USP48: variants seen among roughly 807,000 people sequenced by gnomAD.
USP48 encodes ubiquitin specific peptidase 48, also known as ubiquitin carboxyl-terminal hydrolase 48.
A neutral mutation model predicts 150.7 loss-of-function variants in USP48; 43 were observed. The ratio of observed to expected loss-of-function variants is 0.29; its 90% confidence interval spans 0.22 to 0.37. The LOEUF (loss-of-function observed/expected upper bound fraction) is 0.37, where lower values mean the gene tolerates loss of function less well. Among genes scored for constraint, USP48 ranks in the 10% least tolerant of loss-of-function variants. The probability of loss-of-function intolerance (pLI) is 1.00; values close to 1 mark genes in which losing one functional copy is unlikely to be tolerated. For missense variants in USP48, 813 were observed against 1,249.6 expected, an observed-to-expected ratio of 0.65 and a Z score of 5.27; for synonymous variants, 396 against 425.9, an observed-to-expected ratio of 0.93 and a Z score of 0.86.
chr1:21,782,759 T>G (rs1344505902), intron 1 of USP48, 65 bp downstream of exon 1: 4 of 1,473,068 alleles, frequency 2.7e-6, no homozygotes, highest in Non-Finnish European at 3.6e-6. Context: ...TCCTTTCCCC[T>G]ACCCCGCCCG....
intron 2 of USP48, 33 bp from the exon 3 acceptor site, chr1:21,756,735 C>T: frequency 6.2e-6 from 10 of 1,606,234 alleles, no homozygotes; most frequent in Non-Finnish European, 8.5e-6. Context: ...ATTATAAAAC[C>T]CATTTTCCTT....
chr1:21,703,808 T>C (rs1399839477), intron 20 of USP48, among the ~76,000 whole-genome samples, 190 bp from the exon 21 acceptor site: 1 of 152,254 alleles, frequency 6.6e-6, no homozygotes, highest in East Asian at 1.9e-4. Context: ...CATAGCTCAC[T>C]GTAGCCTCAA....
intron 1 of USP48, chr1:21,768,217 A>G (rs2097867824): frequency 6.5e-6 from 1 of 152,752 alleles, no homozygotes; most frequent in South Asian, 2.1e-4. Context: ...AAAAAAAAAA[A>G]AAGAGTTTGC....
rs146466032 is a variant in USP48, at chr1:21,701,535, G to A, written c.2690C>T (p.Ala897Val). Residue 897 changes from alanine (A) to valine (V), a missense_variant, in exon 22 of 27, where the codon GCT becomes GTT. Physicochemically the swap from Ala to Val is moderately conservative, Grantham distance 64. Coordinates refer to ENST00000308271, the MANE Select transcript of USP48 (RefSeq NM_032236.8). ...TGGATCTTTTTCTCCATCTGGTTTA[G>A]CTTCTTCCTTGTCCTCCTCTGTTTC... ...SSETEEDKEE[A>V]KPDGEKDPDF... 3.2e-5 allele frequency: 51 copies of A among 1,613,856 alleles called. No homozygotes were observed. Among genetic ancestry groups the A allele is most frequent in the Non-Finnish European group, 4.1e-5 (48 of 1,179,946 alleles).
In USP48 at chr1:21,681,167, C is replaced by G. The variant is rs545750967; in HGVS notation, c.3059-333G>C. 8 of 194,360 alleles carry G rather than the reference C, an allele frequency of 4.1e-5. No individual in the cohort carries two copies. In the South Asian group the frequency reaches 1.2e-3, roughly 30 times the overall value. The allele number at this position is 194,360 out of a possible 1,614,324, so 12.0% of individuals were successfully genotyped here. ...GAGCTGTCTCTCTCCCCTTCCTCCT[C>G]CCATTCCCAAGTTCTGGAAGGAGTC... is the stretch of plus-strand genomic sequence containing the variant. On this transcript the variant is annotated intron_variant, in intron 25 of 26. Transcript: ENST00000308271.
At chr1:21,727,883 A>C (rs2097743687) in intron 11 of USP48, 1 of 977,512 alleles carries the variant, frequency 1.0e-6, no homozygotes, top group East Asian at 1.1e-4. Flanking sequence ...TAAAGTAAGG[A>C]CTAAATTGTC....
intron 1 of USP48, among the ~76,000 whole-genome samples, chr1:21,776,879 G>A (rs535656643): frequency 5.2e-4 from 79 of 152,048 alleles, no homozygotes; most frequent in Non-Finnish European, 1.0e-3. Context: ...CCTGGGAGGC[G>A]GAGGCTGCAG....
intron 22 of USP48, among the ~76,000 whole-genome samples, 157 bp from the exon 23 acceptor site, chr1:21,695,378 T>C (rs1242406846): frequency 6.6e-6 from 1 of 152,212 alleles, no homozygotes; most frequent in Non-Finnish European, 1.5e-5. Flanking sequence ...CGAGACTTTC[T>C]TAGCAGGCTC....
rs573752260 is a variant in USP48, at chr1:21,691,222, G to C, written c.2884-1123C>G. On this transcript the variant is annotated intron_variant, in intron 23 of 26. Transcript: ENST00000308271. ...TCAGCTACTCGGGAGGCTGAGGCCA[G>C]AGAATTGCTTGAACCCAGGAGATGG... Among the ~76,000 whole-genome samples the C allele has an allele frequency of 7.5e-4, 111 of 148,930 alleles. 1 individual carries two copies. Among genetic ancestry groups the C allele is most frequent in the Non-Finnish European group, 9.3e-4 (63 of 67,728 alleles).
intron 25 of USP48, among the ~76,000 whole-genome samples, chr1:21,683,777 A>G (rs2097573273): frequency 6.6e-6 from 1 of 152,156 alleles, no homozygotes; most frequent in Non-Finnish European, 1.5e-5. Context: ...GTACCCATTA[A>G]CCAACCTCCC....
At chr1:21,728,078 A>T in intron 11 of USP48, 1 of 985,670 alleles carries the variant, frequency 1.0e-6, no homozygotes. Flanking sequence ...TATTTCTAAG[A>T]AATCAGGGGT....
intron 14 of USP48, among the ~76,000 whole-genome samples, chr1:21,719,547 G>C (rs4654766): frequency 0.057 from 8,634 of 152,192 alleles, 485 homozygotes; most frequent in East Asian, 0.26. Context: ...CACAGGAGTT[G>C]GGAGACTAGC....
rs764276224 is a variant in USP48 at position 21,703,657 on chromosome 1, G to A, written c.2516-39C>T. 9.2e-6 allele frequency: 13 copies of A among 1,415,382 alleles called. No homozygotes were observed. The Admixed American group carries it at 2.4e-4, about 26-fold the overall frequency. The allele number at this position is 1,415,382 out of a possible 1,614,324, so 87.7% of individuals were successfully genotyped here. A position where few individuals can be genotyped will look rare whatever the true frequency, so the allele number is the denominator to read the frequency against. ...AAAAAAAGGGAAAACAGAAGTGGCT[G>A]AGGAATCATTGTTAAAGAATCAAAG... On this transcript the variant is annotated intron_variant, in intron 20 of 26. Coordinates refer to ENST00000308271, the MANE Select transcript of USP48 (RefSeq NM_032236.8).
chr1:21,699,531 T>C (rs2097648754), intron 22 of USP48, among the ~76,000 whole-genome samples: 1 of 150,576 alleles, frequency 6.6e-6, no homozygotes, highest in Admixed American at 6.6e-5. Context: ...TATTTATTTT[T>C]GAGACGGAGT....
At chr1:21,774,372 A>G (rs954862610) in intron 1 of USP48, among the ~76,000 whole-genome samples, 4 of 152,006 alleles carry the variant, frequency 2.6e-5, no homozygotes, top group East Asian at 1.9e-4. Flanking sequence ...TATATATCAT[A>G]AACATACATA....
intron 1 of USP48, among the ~76,000 whole-genome samples, chr1:21,762,110 T>C (rs1476698522): frequency 1.3e-5 from 2 of 152,088 alleles, no homozygotes; most frequent in Non-Finnish European, 2.9e-5. Flanking sequence ...CTACTAAAAA[T>C]ACAAAAATGT....
chr1:21,711,867 C>T (rs1205719409), intron 15 of USP48, among the ~76,000 whole-genome samples: 2 of 152,318 alleles, frequency 1.3e-5, no homozygotes, highest in South Asian at 2.1e-4. Context: ...CTGAATGGTA[C>T]GTCCAGAGCA....
rs758263123 is a variant in USP48 at position 21,695,234 on chromosome 1, T to C, written c.2728-13A>G. Reference sequence around the variant, plus strand: ...TTCCACCATTGCTCTATAATGAAGATTGGAAATGAAGAAAGCACTGAAATT... The same window carrying C: ...TTCCACCATTGCTCTATAATGAAGACTGGAAATGAAGAAAGCACTGAAATT... On this transcript the variant is annotated splice_polypyrimidine_tract_variant and intron_variant, in intron 22 of 26. Transcript: ENST00000308271. 1.9e-6 allele frequency: 3 copies of C among 1,590,232 alleles called. No homozygotes were observed. The highest frequency in any genetic ancestry group is 1.7e-6 in the Non-Finnish European group (2 of 1,169,722).
intron 1 of USP48, among the ~76,000 whole-genome samples, chr1:21,771,773 G>T (rs1336707373): frequency 7.1e-6 from 1 of 141,782 alleles, no homozygotes. Context: ...CACAAAATTA[G>T]CCGGGCGTGG....
Sources: allele counts gnomAD v4.1 joint callset (sites outside exome capture counted in the v4.1 genomes callset), GRCh38; gene constraint gnomAD v4.1.1; transcripts MANE v1.5; gene names NCBI Gene and HGNC (gene_info 2026-07-23, HGNC 2026-07-21).